SRGAP3: variants seen among roughly 807,000 people sequenced by gnomAD.
The protein encoded by SRGAP3 is SLIT-ROBO Rho GTPase activating protein 3, also known as SLIT-ROBO Rho GTPase-activating protein 3.
Under a neutral mutation model 121.1 loss-of-function variants are expected in SRGAP3, and 39 were observed. That is an observed-to-expected ratio of 0.32 (90% confidence interval 0.25 to 0.42). The LOEUF is 0.42. Ranked by LOEUF, SRGAP3 falls within the 10% of genes least tolerant of loss-of-function variation. The probability of loss-of-function intolerance (pLI) is 1.00; values close to 1 mark genes in which losing one functional copy is unlikely to be tolerated. For missense variants in SRGAP3, 1,213 were observed against 1,470.6 expected (o/e 0.82, Z 2.86); for synonymous variants, 601 against 570.0 (o/e 1.05, Z -0.77).
intron 3 of SRGAP3, among the ~76,000 whole-genome samples, chr3:9,260,443 C>G (rs996392815): frequency 6.6e-6 from 1 of 152,146 alleles, no homozygotes; most frequent in Non-Finnish European, 1.5e-5. Flanking sequence ...AGTCGACCTG[C>G]GATGCTGAGC....
At chr3:9,255,855 A>T (rs2125253554) in intron 3 of SRGAP3, among the ~76,000 whole-genome samples, 1 of 152,312 alleles carries the variant, frequency 6.6e-6, no homozygotes, top group East Asian at 1.9e-4. Context: ...TAGTATCATG[A>T]TCCTCACACA....
intron 3 of SRGAP3, among the ~76,000 whole-genome samples, chr3:9,287,458 T>C (rs181037231): frequency 5.3e-5 from 8 of 152,360 alleles, no homozygotes; most frequent in Admixed American, 5.2e-4. Flanking sequence ...TTTTGTTGCA[T>C]ATATAATCCT....
chr3:8,999,675 G>C (rs60307356), intron 18 of SRGAP3, among the ~76,000 whole-genome samples: 3,583 of 152,246 alleles, frequency 0.024, 128 homozygotes, highest in African/African-American at 0.077. Context: ...CCTGTGATGA[G>C]AGTAATGACA....
At chr3:9,162,711 G>A (rs893131793) in intron 1 of SRGAP3, among the ~76,000 whole-genome samples, 1 of 152,256 alleles carries the variant, frequency 6.6e-6, no homozygotes, top group Non-Finnish European at 1.5e-5. Flanking sequence ...AGGAGCATGA[G>A]CTCTTAGAGC....
intron 1 of SRGAP3, among the ~76,000 whole-genome samples, chr3:9,126,653 A>C (rs398930): frequency 0.51 from 74,710 of 147,258 alleles, 19,824 homozygotes; most frequent in Non-Finnish European, 0.6. Context: ...AACTAAATAA[A>C]TAAATAAATA....
At chr3:9,051,872 C>T (rs1000851765) in intron 9 of SRGAP3, among the ~76,000 whole-genome samples, 2 of 152,108 alleles carry the variant, frequency 1.3e-5, no homozygotes, top group African/African-American at 4.8e-5. Flanking sequence ...GCCACCACAC[C>T]CAGCTAATTT....
At chr3:9,130,279 G>A (rs895864021) in intron 1 of SRGAP3, among the ~76,000 whole-genome samples, 1 of 152,048 alleles carries the variant, frequency 6.6e-6, no homozygotes, top group Non-Finnish European at 1.5e-5. Context: ...AAGGCTTTAC[G>A]TAAACCAAGA....
intron 1 of SRGAP3, among the ~76,000 whole-genome samples, chr3:9,166,472 C>CTAAG (rs1253037803): frequency 1.0e-3 from 153 of 152,248 alleles, no homozygotes; most frequent in African/African-American, 3.6e-3. Flanking sequence ...CTAAGGATGC[C>CTAAG]CATGTGACTA....
chr3:9,153,791 G>A (rs758596049), intron 1 of SRGAP3, among the ~76,000 whole-genome samples: 8 of 152,138 alleles, frequency 5.3e-5, no homozygotes, highest in South Asian at 2.1e-4. Context: ...ATATGTTATC[G>A]TATAGTGTTG....
At chr3:9,232,536 G>T (rs191538583) in intron 1 of SRGAP3, among the ~76,000 whole-genome samples, 1 of 151,820 alleles carries the variant, frequency 6.6e-6, no homozygotes, top group Non-Finnish European at 1.5e-5. Context: ...TACACACACA[G>T]ACACACATAC....
chr3:9,263,320 GAACA>G (rs1332751487), intron 3 of SRGAP3, among the ~76,000 whole-genome samples: 1 of 151,612 alleles, frequency 6.6e-6, no homozygotes, highest in Non-Finnish European at 1.5e-5. Context: ...AGAGAAGCAA[GAACA>G]AACAAATTCA....
At chr3:9,258,511 G>A (rs1000687954) in intron 3 of SRGAP3, among the ~76,000 whole-genome samples, 5 of 152,186 alleles carry the variant, frequency 3.3e-5, no homozygotes, top group African/African-American at 1.2e-4. Context: ...TGAGGAAGGT[G>A]ACTCTAGTGG....
chr3:8,991,762 G>A (rs1407859851), intron 20 of SRGAP3, among the ~76,000 whole-genome samples: 2 of 152,152 alleles, frequency 1.3e-5, no homozygotes, highest in East Asian at 3.8e-4. Context: ...ACCGTGTGTT[G>A]GGAATGGATT....
At chr3:9,144,526 G>T (rs1949960917) in intron 1 of SRGAP3, among the ~76,000 whole-genome samples, 2 of 152,226 alleles carry the variant, frequency 1.3e-5, no homozygotes, top group African/African-American at 4.8e-5. Context: ...TTGTGGGAGG[G>T]ACCCAGGAGG....
At chr3:9,336,123 G>T (rs115764140) in intron 1 of SRGAP3, among the ~76,000 whole-genome samples, 1 of 151,314 alleles carries the variant, frequency 6.6e-6, no homozygotes, top group African/African-American at 2.4e-5. Context: ...CCAGTATTTT[G>T]GTCATCCCCA....
At chr3:9,038,517 G>T (rs1944876649) in intron 10 of SRGAP3, among the ~76,000 whole-genome samples, 1 of 152,208 alleles carries the variant, frequency 6.6e-6, no homozygotes, top group Non-Finnish European at 1.5e-5. Context: ...AAAAACTCCT[G>T]CAATGTTTAA....
At chr3:9,238,578 A>T (rs1953502809) in intron 1 of SRGAP3, among the ~76,000 whole-genome samples, 1 of 152,138 alleles carries the variant, frequency 6.6e-6, no homozygotes, top group Non-Finnish European at 1.5e-5. Context: ...AGGTACAGGG[A>T]TCTATAAGAA....
At chr3:8,991,042 G>A (rs1233535735) in intron 20 of SRGAP3, among the ~76,000 whole-genome samples, 1 of 152,206 alleles carries the variant, frequency 6.6e-6, no homozygotes, top group Non-Finnish European at 1.5e-5. Context: ...GGTCTAATCT[G>A]TAAACATGAA....
At chr3:9,317,820 G>A (rs6783871) in intron 3 of SRGAP3, among the ~76,000 whole-genome samples, 2,914 of 152,252 alleles carry the variant, frequency 0.019, 93 homozygotes, top group African/African-American at 0.065. Context: ...CCACTGATAC[G>A]GGGAGTGACT....
Sources: gnomAD v4.1 joint callset for allele counts (sites outside exome capture counted in the v4.1 genomes callset) on GRCh38, gnomAD v4.1.1 for gene constraint, MANE v1.5 for transcripts, NCBI Gene and HGNC (gene_info 2026-07-23, HGNC 2026-07-21) for gene names.